The following IL1RAP variants were observed in gnomAD, a reference collection of about 807,000 sequenced individuals.
IL1RAP encodes interleukin-1 receptor accessory protein.
Under a neutral mutation model 60.7 loss-of-function variants are expected in IL1RAP, and 35 were observed. That is an observed-to-expected ratio of 0.58 (90% CI 0.44 to 0.76). The LOEUF is 0.76. Ranked by LOEUF, IL1RAP falls within the 30% of genes least tolerant of loss-of-function variation. The pLI is 0.00. For synonymous variants in IL1RAP, 268 were observed against 250.9 expected (o/e 1.07, Z -0.64); for missense variants, 572 against 693.9 (o/e 0.82, Z 1.97).
rs146412275 is a variant in IL1RAP, at chr3:190,543,991, A to C, written c.-88-12139A>C. ...AATATCTCTTCCTTTGGATTTAGAG[A>C]AGGAGATTTCAGGCTGTTTTTTATA... is the stretch of plus-strand genomic sequence containing the variant. On this transcript the variant is annotated intron_variant, in intron 1 of 11. Transcript: ENST00000447382. Among the ~76,000 whole-genome samples, 1,449 of 152,282 alleles carry C rather than the reference A, an allele frequency of 9.5e-3. 15 individuals carry two copies. The highest frequency in any genetic ancestry group is 0.031 in the Middle Eastern group (9 of 294).
intron 4 of IL1RAP, among the ~76,000 whole-genome samples, chr3:190,608,720 T>G (rs1354927041): frequency 6.6e-6 from 1 of 152,194 alleles, no homozygotes; most frequent in Non-Finnish European, 1.5e-5. Flanking sequence ...GTGTGACACA[T>G]GACTATTTAT....
At chr3:190,614,077 A>G (rs1330574578) in intron 5 of IL1RAP, among the ~76,000 whole-genome samples, 1 of 151,356 alleles carries the variant, frequency 6.6e-6, no homozygotes, top group East Asian at 2.0e-4. Flanking sequence ...CCAAGCATCT[A>G]CCCGGATGTC....
chr3:190,634,732 T>TTTTTTTTTTTG (rs1733074912), intron 9 of IL1RAP, among the ~76,000 whole-genome samples: 1 of 148,464 alleles, frequency 6.7e-6, no homozygotes, highest in African/African-American at 2.6e-5. Flanking sequence ...GTTGTTTTTT[T>TTTTTTTTTTTG]TGAGAAGGAG....
At chr3:190,538,606 G>A (rs112968660) in intron 1 of IL1RAP, among the ~76,000 whole-genome samples, 228 of 152,222 alleles carry the variant, frequency 1.5e-3, no homozygotes, top group African/African-American at 3.9e-3. Context: ...GATTCTTGTC[G>A]GCACGATGTC....
At chr3:190,605,868 G>A (rs1560207492) in intron 4 of IL1RAP, among the ~76,000 whole-genome samples, 1 of 152,110 alleles carries the variant, frequency 6.6e-6, no homozygotes, top group South Asian at 2.1e-4. Context: ...CTAATGTACT[G>A]TGAATTAGGA....
intron 1 of IL1RAP, among the ~76,000 whole-genome samples, chr3:190,547,728 G>T (rs1002840919): frequency 6.6e-6 from 1 of 152,174 alleles, no homozygotes; most frequent in African/African-American, 2.4e-5. Flanking sequence ...CTGTAAGTCT[G>T]CTGTGAATGT....
chr3:190,532,707 G>A (rs934743741), intron 1 of IL1RAP, among the ~76,000 whole-genome samples: 5 of 152,164 alleles, frequency 3.3e-5, no homozygotes, highest in Admixed American at 6.5e-5. Flanking sequence ...CCTGTGCTGA[G>A]GCGTGCCGTG....
In IL1RAP at chr3:190,644,320, T is replaced by C. The variant is rs571170555; in HGVS notation, c.1124T>C (p.Ile375Thr). 7.1e-5 allele frequency: 114 copies of C among 1,614,070 alleles called. No homozygotes were observed. Among genetic ancestry groups the C allele is most frequent in the Admixed American group, 6.2e-4 (37 of 60,012 alleles). ...GATVLLVVIL[I>T]VVYHVYWLEM... ...ACAGTCCTGCTAGTGGTGATTCTCA[T>C]TGTTGTTTACCATGTTTACTGGCTA... Residue 375 changes from isoleucine to threonine, a missense_variant, in exon 10 of 12, where the codon ATT (isoleucine) becomes ACT (threonine). Physicochemically the swap from Ile to Thr is moderately conservative, Grantham distance 89. Coordinates refer to ENST00000447382, the MANE Select transcript of IL1RAP (RefSeq NM_002182.4).
At chr3:190,635,782 GA>G (rs1285357711) in intron 9 of IL1RAP, among the ~76,000 whole-genome samples, 1 of 152,002 alleles carries the variant, frequency 6.6e-6, no homozygotes, top group Non-Finnish European at 1.5e-5. Context: ...TAAAAAATTA[GA>G]AAAAAAGTCT....
chr3:190,515,233 C>T (rs1381503542), intron 1 of IL1RAP, among the ~76,000 whole-genome samples: 63 of 144,800 alleles, frequency 4.4e-4, no homozygotes, highest in African/African-American at 1.4e-3. Context: ...TTCTTTCTTC[C>T]TTTTTTTTTT....
chr3:190,574,403 A>G (rs1727261563), intron 3 of IL1RAP, among the ~76,000 whole-genome samples: 1 of 152,214 alleles, frequency 6.6e-6, no homozygotes, highest in African/African-American at 2.4e-5. Context: ...GTACAGGTGC[A>G]GTGGGTTTGA....
intron 1 of IL1RAP, chr3:190,555,833 C>T (rs1049462054): frequency 6.6e-6 from 1 of 152,114 alleles, no homozygotes; most frequent in African/African-American, 2.4e-5. Flanking sequence ...TAAATTACTC[C>T]TCCTTCCAGC....
rs571024351 is a variant in IL1RAP at position 190,589,057 on chromosome 3, T to A, written c.65-15071T>A. 4.6e-5 allele frequency among the ~76,000 whole-genome samples: 7 copies of A among 152,222 alleles called. No homozygotes were observed. The East Asian group carries it at 1.3e-3, about 29-fold the overall frequency. ...GCCCCTCTGGTGTCAGAGCCTGATC[T>A]GTATAATGTGTCATGGGGCTGGATG... On this transcript the variant is annotated intron_variant, in intron 3 of 11. Coordinates refer to ENST00000447382, the MANE Select transcript of IL1RAP (RefSeq NM_002182.4).
chr3:190,605,533 G>T (rs529299527), intron 4 of IL1RAP, among the ~76,000 whole-genome samples: 1 of 151,860 alleles, frequency 6.6e-6, no homozygotes, highest in Admixed American at 6.6e-5. Context: ...CTATTTAACC[G>T]GTGTGTGGCT....
chr3:190,549,148 A>T (rs1724633856), intron 1 of IL1RAP, among the ~76,000 whole-genome samples: 1 of 152,104 alleles, frequency 6.6e-6, no homozygotes, highest in African/African-American at 2.4e-5. Context: ...TCCTGTTAGG[A>T]GGCTTCCCGC....
intron 3 of IL1RAP, among the ~76,000 whole-genome samples, chr3:190,577,184 C>CTATA (rs199890265): frequency 1.3e-5 from 2 of 150,136 alleles, no homozygotes; most frequent in Admixed American, 1.3e-4. Flanking sequence ...GAGCTTAAAT[C>CTATA]TATATATATA....
Position 190,648,747 on chromosome 3 carries a change from G to A in IL1RAP, c.*42G>A, listed in dbSNP as rs1324114814. 1.3e-6 allele frequency: 2 copies of A among 1,554,476 alleles called. No homozygotes were observed. Among genetic ancestry groups the A allele is most frequent in the Non-Finnish European group, 1.7e-6 (2 of 1,154,216 alleles). ...GGTAAAAAGAACAAGGGGTGCTCCAGGAAGAAAGAGTCCCCCCAGTCTTCA... is the reference window on the plus strand; with the variant it reads ...GGTAAAAAGAACAAGGGGTGCTCCAAGAAGAAAGAGTCCCCCCAGTCTTCA... On this transcript the variant is annotated 3_prime_UTR_variant, in exon 12 of 12. Coordinates refer to ENST00000447382, the MANE Select transcript of IL1RAP (RefSeq NM_002182.4).
At chr3:190,643,818 A>G (rs1045660246) in intron 9 of IL1RAP, among the ~76,000 whole-genome samples, 3 of 152,224 alleles carry the variant, frequency 2.0e-5, no homozygotes, top group African/African-American at 7.2e-5. Flanking sequence ...CAGCTGCATC[A>G]ACAATTAAAA....
At position 190,649,010 on chromosome 3, in the gene IL1RAP, CT is replaced by C. The variant is rs1430674231; in HGVS notation, c.*310del. 3.3e-5 allele frequency: 35 copies of C among 1,051,954 alleles called. No individual in the cohort carries two copies. The highest frequency in any genetic ancestry group is 3.8e-5 in the Non-Finnish European group (33 of 873,642). 65.2% of individuals were successfully genotyped at this position (1,051,954 alleles called of 1,614,324 possible). On this transcript the variant is annotated 3_prime_UTR_variant, in exon 12 of 12. Coordinates refer to ENST00000447382, the MANE Select transcript of IL1RAP (RefSeq NM_002182.4). The stretch of plus-strand genomic sequence containing the variant: ...ATCCCTGTTTTTATATGTCTCCATT[CT>C]TTTTAAAATCTTAACATATGGAGCA...
Sources: allele counts gnomAD v4.1 joint callset (sites outside exome capture counted in the v4.1 genomes callset), GRCh38; gene constraint gnomAD v4.1.1; transcripts MANE v1.5; gene names NCBI Gene and HGNC (gene_info 2026-07-23, HGNC 2026-07-21).